The following RMST variants were observed in gnomAD, a reference collection of about 807,000 sequenced individuals.
RMST encodes long intergenic non-protein coding RNA 54.
chr12:97,512,724 C>G (rs979246526), intron 10 of RMST, among the ~76,000 whole-genome samples: 3 of 152,214 alleles, frequency 2.0e-5, no homozygotes, highest in African/African-American at 7.2e-5. Context: ...CGGGCTTTAC[C>G]CAGTGGATCC....
At chr12:97,486,952 G>C (rs1285982519) in intron 5 of RMST, among the ~76,000 whole-genome samples, 2 of 152,342 alleles carry the variant, frequency 1.3e-5, no homozygotes, top group African/African-American at 4.8e-5. Context: ...AAGGGAATGA[G>C]AAATGTGTAG....
chr12:97,480,281 G>A (rs187004127), intron 5 of RMST, among the ~76,000 whole-genome samples: 20 of 151,816 alleles, frequency 1.3e-4, no homozygotes, highest in African/African-American at 4.3e-4. Flanking sequence ...TAGTAGAGAC[G>A]GGGTTTCACC....
intron 10 of RMST, among the ~76,000 whole-genome samples, chr12:97,515,612 A>G (rs532189895): frequency 1.5e-4 from 23 of 152,228 alleles, no homozygotes; most frequent in African/African-American, 5.5e-4. Context: ...GTGAATAAAC[A>G]TGTTTTCCCA....
At chr12:97,546,531 G>A (rs1443393224) in intron 11 of RMST, among the ~76,000 whole-genome samples, 12 of 151,416 alleles carry the variant, frequency 7.9e-5, no homozygotes, top group Non-Finnish European at 8.8e-5. Context: ...GCAGTGAACC[G>A]AGATCTCACC....
intron 5 of RMST, among the ~76,000 whole-genome samples, chr12:97,480,494 T>C (rs1469083564): frequency 6.6e-6 from 1 of 152,200 alleles, no homozygotes; most frequent in Admixed American, 6.5e-5. Flanking sequence ...ATCTGCACCA[T>C]ACAAATGACC....
chr12:97,521,046 T>C (rs1245540390), intron 10 of RMST, among the ~76,000 whole-genome samples: 3 of 152,322 alleles, frequency 2.0e-5, no homozygotes, highest in African/African-American at 7.2e-5. Context: ...TACATTCTTA[T>C]GTGAGGTGGG....
intron 11 of RMST, among the ~76,000 whole-genome samples, chr12:97,547,214 T>A (rs1238837154): frequency 6.7e-6 from 1 of 149,250 alleles, no homozygotes; most frequent in Non-Finnish European, 1.5e-5. Flanking sequence ...ATAATAATAA[T>A]ATAATAAAAA....
chr12:97,513,741 G>A (rs961490433), intron 10 of RMST, among the ~76,000 whole-genome samples: 1 of 152,108 alleles, frequency 6.6e-6, no homozygotes, highest in Non-Finnish European at 1.5e-5. Context: ...AATCAAAAGG[G>A]GTATGGATCA....
intron 11 of RMST, among the ~76,000 whole-genome samples, chr12:97,550,787 T>C (rs1883258555): frequency 6.6e-6 from 1 of 152,206 alleles, no homozygotes; most frequent in Non-Finnish European, 1.5e-5. Flanking sequence ...TGGAGCCATA[T>C]ATTCATGCAC....
chr12:97,528,562 A>G (rs1881339089), intron 10 of RMST, among the ~76,000 whole-genome samples: 1 of 152,154 alleles, frequency 6.6e-6, no homozygotes, highest in Non-Finnish European at 1.5e-5. Context: ...AGGAACAAAT[A>G]GTGAATATTA....
At chr12:97,487,789 A>G (rs991170558) in intron 5 of RMST, among the ~76,000 whole-genome samples, 3 of 152,174 alleles carry the variant, frequency 2.0e-5, no homozygotes, top group African/African-American at 7.2e-5. Context: ...AGCTCCTCGC[A>G]GTCTTTGTTC....
chr12:97,515,580 G>A (rs1481588315), intron 10 of RMST, among the ~76,000 whole-genome samples: 1 of 151,998 alleles, frequency 6.6e-6, no homozygotes, highest in Non-Finnish European at 1.5e-5. Flanking sequence ...CAAACACACA[G>A]TAGGAGCTCA....
intron 4 of RMST, chr12:97,463,385 G>A (rs1872796433): frequency 6.6e-6 from 1 of 152,306 alleles, no homozygotes. Context: ...ATATCTTTGT[G>A]AGGGTATCAT....
chr12:97,548,177 A>G (rs1254682641), intron 11 of RMST, among the ~76,000 whole-genome samples: 1 of 152,022 alleles, frequency 6.6e-6, no homozygotes, highest in Non-Finnish European at 1.5e-5. Flanking sequence ...TAGTCCTGAC[A>G]CCTCTGTCAA....
intron 11 of RMST, among the ~76,000 whole-genome samples, chr12:97,547,982 A>T (rs1565937578): frequency 2.0e-5 from 3 of 151,970 alleles, no homozygotes; most frequent in Non-Finnish European, 4.4e-5. Context: ...CACCAATGTC[A>T]TGGAGCTTTT....
At chr12:97,554,844 G>T (rs565530077) in intron 11 of RMST, among the ~76,000 whole-genome samples, 1 of 152,246 alleles carries the variant, frequency 6.6e-6, no homozygotes, top group African/African-American at 2.4e-5. Context: ...TCAGAATGAA[G>T]GCTTTCCATA....
intron 10 of RMST, among the ~76,000 whole-genome samples, chr12:97,501,710 A>G (rs934814110): frequency 6.6e-6 from 1 of 152,186 alleles, no homozygotes; most frequent in African/African-American, 2.4e-5. Flanking sequence ...AGCAGATCTT[A>G]GAATGGCCAT....
intron 5 of RMST, among the ~76,000 whole-genome samples, chr12:97,471,317 C>T (rs538027868): frequency 2.6e-5 from 4 of 152,064 alleles, no homozygotes; most frequent in Non-Finnish European, 5.9e-5. Context: ...CTTCTTAAAC[C>T]AGTGACTGTA....
At chr12:97,547,675 G>T (rs530843060) in intron 11 of RMST, among the ~76,000 whole-genome samples, 1 of 152,100 alleles carries the variant, frequency 6.6e-6, no homozygotes, top group South Asian at 2.1e-4. Context: ...ATACCTGTTG[G>T]CCATTCGTCT....
Sources: allele counts gnomAD v4.1 joint callset (sites outside exome capture counted in the v4.1 genomes callset), GRCh38; gene constraint gnomAD v4.1.1; transcripts MANE v1.5; gene names NCBI Gene and HGNC (gene_info 2026-07-23, HGNC 2026-07-21).